The following B4GALNT2 variants were observed in gnomAD, a reference collection of about 807,000 sequenced individuals.
B4GALNT2 encodes the protein beta-1,4-N-acetyl-galactosaminyltransferase 2 (SID blood group), also known as N-acetylneuraminylgalactosylglucosyl-glucoside beta-1,4-N- acetylgalactosaminyltransferase 2.
In B4GALNT2, 42 loss-of-function variants were observed where a neutral mutation model predicts 51.1. The observed-to-expected ratio is 0.82, with a 90% CI of 0.64 to 1.06. The LOEUF (loss-of-function observed/expected upper bound fraction) is 1.06. Ranked by LOEUF, B4GALNT2 falls within the 50% of genes least tolerant of loss-of-function variation. B4GALNT2 has a pLI of 0.00. For missense variants in B4GALNT2, 602 were observed against 633.6 expected, an observed-to-expected ratio of 0.95 and a Z score of 0.54; for synonymous variants, 253 against 251.7, an observed-to-expected ratio of 1.01 and a Z score of -0.05.
At chr17:49,129,190 CAG>C (rs35327541), upstream of B4GALNT2, among the ~76,000 whole-genome samples, 75,617 of 148,236 alleles carry the variant, frequency 0.51, 19,238 homozygotes, top group Non-Finnish European at 0.54. Context: ...AAGAGAGAGA[CAG>C]AGAGAGAGAG....
At chr17:49,137,477 T>TC (rs2042601445) in intron 1 of B4GALNT2, among the ~76,000 whole-genome samples, 1 of 152,128 alleles carries the variant, frequency 6.6e-6, no homozygotes, top group Non-Finnish European at 1.5e-5. Flanking sequence ...AGCAAGAAGG[T>TC]CCCCAGATGT....
chr17:49,163,558 C>T (rs1240983825), intron 7 of B4GALNT2, among the ~76,000 whole-genome samples: 1 of 151,990 alleles, frequency 6.6e-6, no homozygotes, highest in African/African-American at 2.4e-5. Context: ...GAGTTTGAGA[C>T]CAGCCTGGCC....
chr17:49,136,651 A>G (rs997877340), intron 1 of B4GALNT2, among the ~76,000 whole-genome samples: 3 of 151,972 alleles, frequency 2.0e-5, no homozygotes, highest in Non-Finnish European at 4.4e-5. Flanking sequence ...GGTTCAAGTG[A>G]TTCTTATATC....
intron 3 of B4GALNT2, 38 bp downstream of exon 3, chr17:49,142,210 G>A: frequency 6.2e-7 from 1 of 1,611,948 alleles, no homozygotes; most frequent in Non-Finnish European, 8.5e-7. Context: ...TTCTGAGATG[G>A]AACAAAAGCC....
At chr17:49,133,946 CAAACA>C (rs2042566198) in intron 1 of B4GALNT2, among the ~76,000 whole-genome samples, 2 of 147,610 alleles carry the variant, frequency 1.4e-5, no homozygotes, top group African/African-American at 5.3e-5. Context: ...AACAAACAAA[CAAACA>C]AAAAGCAGCA....
At chr17:49,165,265 C>G (rs751595909) in intron 8 of B4GALNT2, among the ~76,000 whole-genome samples, 14 of 151,608 alleles carry the variant, frequency 9.2e-5, no homozygotes, top group Middle Eastern at 3.4e-3. Context: ...TCTCCTCTTT[C>G]CCTCTCTCCC....
chr17:49,137,584 C>T (rs2042602437), intron 1 of B4GALNT2, among the ~76,000 whole-genome samples: 2 of 152,116 alleles, frequency 1.3e-5, no homozygotes, highest in Admixed American at 6.6e-5. Context: ...AGCACAAAAC[C>T]GTACAAACCA....
At chr17:49,164,989 T>G (rs2042898249) in intron 8 of B4GALNT2, among the ~76,000 whole-genome samples, 1 of 151,884 alleles carries the variant, frequency 6.6e-6, no homozygotes, top group African/African-American at 2.4e-5. Context: ...TTTTTTAAAT[T>G]TTTTTGTAGA....
intron 10 of B4GALNT2, 46 bp from the exon 11 acceptor site, chr17:49,169,477 T>TTCTGACCGCAGCTCCCACTTCCTTCTGC: frequency 6.3e-7 from 1 of 1,575,680 alleles, no homozygotes. Context: ...GTGCCCACTT[T>TTCTGACCGCAGCTCCCACTTCCTTCTGC]TCTGACCGCA....
chr17:49,154,637 G>A (rs776494438), intron 4 of B4GALNT2, among the ~76,000 whole-genome samples: 5 of 151,858 alleles, frequency 3.3e-5, no homozygotes, highest in Admixed American at 6.6e-5. Flanking sequence ...GGACCCAGCC[G>A]AGCTCTCTCC....
intron 1 of B4GALNT2, among the ~76,000 whole-genome samples, chr17:49,134,777 G>A (rs2042575445): frequency 6.6e-6 from 1 of 152,074 alleles, no homozygotes; most frequent in African/African-American, 2.4e-5. Flanking sequence ...TTTTAGTAGA[G>A]ACAGGGTCTC....
the B4GALNT2 span, among the ~76,000 whole-genome samples, chr17:49,126,650 CTT>C: frequency 2.0e-3 from 178 of 88,004 alleles, 3 homozygotes; most frequent in Admixed American, 6.7e-3. Flanking sequence ...TTCTTTCTTT[CTT>C]TTTTTTTTTT....
chr17:49,134,563 C>T (rs1567853250), intron 1 of B4GALNT2, among the ~76,000 whole-genome samples: 2 of 151,994 alleles, frequency 1.3e-5, no homozygotes, highest in African/African-American at 2.4e-5. Context: ...CGCACGCGCG[C>T]CACCATGCCC....
chr17:49,175,042 C>T lies in B4GALNT2; in HGVS notation c.*5314C>T, dbSNP rs9900924. 7 of 152,090 alleles carry T rather than the reference C, an allele frequency of 4.6e-5. No individual in the cohort carries two copies. The highest frequency in any genetic ancestry group is 5.9e-5 in the Non-Finnish European group (4 of 68,016). 9.4% of individuals were successfully genotyped at this position (152,090 alleles called of 1,614,324 possible). On this transcript the variant is annotated 3_prime_UTR_variant, in exon 11 of 11. Transcript: ENST00000393354. ...GGTTGAATAGTCCCATGTTGTCCAT[C>T]GGGCCCCTCACAATGCAAAATATAA...
chr17:49,160,542 TTTCTC>T lies in B4GALNT2; in HGVS notation c.680-12_680-8del. On this transcript the variant is annotated splice_region_variant and splice_polypyrimidine_tract_variant and intron_variant, in intron 6 of 10. Transcript: ENST00000393354. ...TGATACTCCCTGTGCCATTATCTTA[TTTCTC>T]CCTCCAGTGAGTCTGGAGTCCAGGT... The T allele has an allele frequency of 6.2e-7, 1 of 1,611,650 alleles. No homozygotes were observed. Among genetic ancestry groups the T allele is most frequent in the Non-Finnish European group, 8.5e-7 (1 of 1,177,756 alleles).
At chr17:49,125,739 G>GA in the B4GALNT2 span, among the ~76,000 whole-genome samples, 1 of 69,204 alleles carries the variant, frequency 1.4e-5, no homozygotes, top group Admixed American at 1.5e-4. Context: ...GCCCCGTCCC[G>GA]GAGGGAGGTG....
At chr17:49,158,090 C>T (rs1041027393) in intron 5 of B4GALNT2, among the ~76,000 whole-genome samples, 2 of 152,068 alleles carry the variant, frequency 1.3e-5, no homozygotes, top group South Asian at 2.1e-4. Context: ...GAGGACTTGC[C>T]GCCAGATGGG....
chr17:49,157,622 G>C (rs993949614), intron 5 of B4GALNT2, among the ~76,000 whole-genome samples: 1 of 151,908 alleles, frequency 6.6e-6, no homozygotes, highest in Non-Finnish European at 1.5e-5. Context: ...CTGGCCCCTG[G>C]TTACTTATTT....
chr17:49,147,096 C>A (rs903212465), intron 3 of B4GALNT2, among the ~76,000 whole-genome samples: 3 of 152,184 alleles, frequency 2.0e-5, no homozygotes, highest in African/African-American at 7.2e-5. Flanking sequence ...CCGGAGAATG[C>A]ATGACTGATG....
Sources: allele counts gnomAD v4.1 joint callset (sites outside exome capture counted in the v4.1 genomes callset), GRCh38; gene constraint gnomAD v4.1.1; transcripts MANE v1.5; gene names NCBI Gene and HGNC (gene_info 2026-07-23, HGNC 2026-07-21).